PSMD14: variants seen among roughly 807,000 people sequenced by gnomAD.
PSMD14 encodes ubiquitin C-terminal hydrolase PSMD14.
Under a neutral mutation model 41.2 loss-of-function variants are expected in PSMD14, and 7 were observed. The ratio of observed to expected loss-of-function variants is 0.17; its 90% CI spans 0.10 to 0.32. The LOEUF (loss-of-function observed/expected upper bound fraction) is 0.32, where lower values mean the gene tolerates loss of function less well. Ranked by LOEUF, PSMD14 falls within the 10% of genes least tolerant of loss-of-function variation. PSMD14 has a pLI of 1.00. For synonymous variants in PSMD14, 114 were observed against 122.3 expected (o/e 0.93, Z 0.45); for missense variants, 139 against 375.6 (o/e 0.37, Z 5.21).
chr2:161,329,701 C>T (rs1332676142), intron 3 of PSMD14, among the ~76,000 whole-genome samples: 2 of 152,036 alleles, frequency 1.3e-5, no homozygotes, highest in Non-Finnish European at 2.9e-5. Context: ...ATGCCTTTAA[C>T]GTTTTTCTTA....
chr2:161,396,977 G>A (rs1215697749), intron 10 of PSMD14, among the ~76,000 whole-genome samples: 5 of 151,982 alleles, frequency 3.3e-5, no homozygotes, highest in South Asian at 4.2e-4. Flanking sequence ...ACAGGCGCCC[G>A]CTGCAACACC....
intron 3 of PSMD14, among the ~76,000 whole-genome samples, chr2:161,360,935 C>T (rs1049051787): frequency 6.6e-6 from 1 of 152,166 alleles, no homozygotes; most frequent in Non-Finnish European, 1.5e-5. Context: ...TGCTTGTGTA[C>T]TGACTTCTTG....
intron 10 of PSMD14, among the ~76,000 whole-genome samples, chr2:161,405,640 T>C (rs1346441928): frequency 1.3e-5 from 2 of 152,194 alleles, no homozygotes; most frequent in African/African-American, 2.4e-5. Context: ...ATTGTTTATA[T>C]AGTCAATACT....
At chr2:161,404,869 C>T (rs1385961150) in intron 10 of PSMD14, among the ~76,000 whole-genome samples, 1 of 152,202 alleles carries the variant, frequency 6.6e-6, no homozygotes, top group Non-Finnish European at 1.5e-5. Flanking sequence ...TTCCAAGATT[C>T]AGCCCTTGCC....
rs866160920 is a variant in PSMD14 at position 161,360,814 on chromosome 2, G to A, written c.49-6664G>A. ...GCCTCCCAAAGTGCTAGGATTACAGGCGTGAGCCACCACGCCTGGCCTTCG... is the reference window on the plus strand; with the variant it reads ...GCCTCCCAAAGTGCTAGGATTACAGACGTGAGCCACCACGCCTGGCCTTCG... On this transcript the variant is annotated intron_variant, in intron 3 of 11. Transcript: ENST00000409682. Among the ~76,000 whole-genome samples the A allele has an allele frequency of 5.7e-4, 87 of 152,240 alleles. 1 individual carries two copies. The highest frequency in any genetic ancestry group is 2.0e-3 in the African/African-American group (83 of 41,464).
At chr2:161,310,892 T>C (rs1689079681) in intron 1 of PSMD14, among the ~76,000 whole-genome samples, 1 of 152,236 alleles carries the variant, frequency 6.6e-6, no homozygotes, top group African/African-American at 2.4e-5. Context: ...TCTACCCACC[T>C]GCCCCGATAG....
At chr2:161,393,971 A>ATTTT (rs11452254) in intron 9 of PSMD14, among the ~76,000 whole-genome samples, 38 of 100,862 alleles carry the variant, frequency 3.8e-4, no homozygotes, top group Admixed American at 5.5e-4. Flanking sequence ...ACACTAGATA[A>ATTTT]TTTTTTTTTT....
At position 161,323,938 on chromosome 2, in the gene PSMD14, A is replaced by T. The variant is rs536186135; in HGVS notation, c.48+5065A>T. Among the ~76,000 whole-genome samples the T allele has an allele frequency of 1.1e-3, 28 of 24,974 alleles. No homozygotes were observed. The East Asian group carries it at 0.33, about 292-fold the overall frequency. The allele number at this position is 24,974 out of a possible 152,430, so 16.4% of individuals were successfully genotyped here. A position where few individuals can be genotyped will look rare whatever the true frequency, so the allele number is the denominator to read the frequency against. The stretch of plus-strand genomic sequence containing the variant: ...AATTTGGCTACTTCGTTGTCTTTAT[A>T]ACAACTCCACCTAGGTCTTGGCATC... On this transcript the variant is annotated intron_variant, in intron 3 of 11. Transcript: ENST00000409682.
intron 5 of PSMD14, among the ~76,000 whole-genome samples, chr2:161,368,209 T>C (rs532676866): frequency 8.5e-5 from 13 of 152,216 alleles, no homozygotes; most frequent in African/African-American, 2.9e-4. Flanking sequence ...GAGTGTTAGT[T>C]TGATTTTGAA....
intron 3 of PSMD14, among the ~76,000 whole-genome samples, chr2:161,334,678 C>T (rs578012642): frequency 6.6e-6 from 1 of 152,306 alleles, no homozygotes; most frequent in South Asian, 2.1e-4. Context: ...ATAGAATTTT[C>T]CCTTCTTTGA....
intron 10 of PSMD14, among the ~76,000 whole-genome samples, chr2:161,405,445 G>C (rs982266793): frequency 1.3e-5 from 2 of 152,152 alleles, no homozygotes; most frequent in Non-Finnish European, 2.9e-5. Context: ...AGCAAGAAGA[G>C]TTTGAAAAAT....
At chr2:161,410,042 A>T (rs1684002254) in intron 11 of PSMD14, among the ~76,000 whole-genome samples, 1 of 152,166 alleles carries the variant, frequency 6.6e-6, no homozygotes, top group African/African-American at 2.4e-5. Flanking sequence ...AAAGGTCTAA[A>T]TACAAAATGA....
At chr2:161,400,675 C>A (rs1186133755) in intron 10 of PSMD14, among the ~76,000 whole-genome samples, 1 of 151,982 alleles carries the variant, frequency 6.6e-6, no homozygotes, top group Non-Finnish European at 1.5e-5. Flanking sequence ...TGCCTCAGCC[C>A]CCCAAGTAGC....
chr2:161,345,857 A>G (rs1317651050), intron 3 of PSMD14, among the ~76,000 whole-genome samples: 1 of 151,110 alleles, frequency 6.6e-6, no homozygotes, highest in Non-Finnish European at 1.5e-5. Context: ...CCTGTGTTTC[A>G]TTTTTCTGTT....
chr2:161,361,880 C>A (rs1177993889), intron 3 of PSMD14, among the ~76,000 whole-genome samples: 3 of 152,226 alleles, frequency 2.0e-5, no homozygotes, highest in South Asian at 4.2e-4. Context: ...TTATGAGAGG[C>A]TTTTATCTTT....
At chr2:161,327,946 C>CTCTG (rs1553503770) in intron 3 of PSMD14, among the ~76,000 whole-genome samples, 2 of 117,178 alleles carry the variant, frequency 1.7e-5, no homozygotes, top group Middle Eastern at 4.2e-3. Context: ...CTCATGTAAG[C>CTCTG]TGTGTGTGTG....
chr2:161,379,916 G>A (rs1054932046), intron 7 of PSMD14, among the ~76,000 whole-genome samples: 1 of 152,024 alleles, frequency 6.6e-6, no homozygotes, highest in Non-Finnish European at 1.5e-5. Context: ...GCTGTGTTCA[G>A]TTGTTGGCAG....
intron 3 of PSMD14, among the ~76,000 whole-genome samples, chr2:161,331,538 G>T (rs940131704): frequency 1.3e-5 from 2 of 152,152 alleles, no homozygotes; most frequent in Admixed American, 1.3e-4. Context: ...GATTACAGGC[G>T]TGAGCCACCG....
At chr2:161,344,858 G>A (rs1348746197) in intron 3 of PSMD14, among the ~76,000 whole-genome samples, 1 of 152,078 alleles carries the variant, frequency 6.6e-6, no homozygotes, top group Non-Finnish European at 1.5e-5. Flanking sequence ...TCACTTTCTT[G>A]AGGGCGACCT....
Sources: allele counts gnomAD v4.1 joint callset (sites outside exome capture counted in the v4.1 genomes callset), GRCh38; gene constraint gnomAD v4.1.1; transcripts MANE v1.5; gene names NCBI Gene and HGNC (gene_info 2026-07-23, HGNC 2026-07-21).